The following PCSK2 variants were observed in gnomAD, a reference collection of about 807,000 sequenced individuals.
PCSK2 encodes neuroendocrine convertase 2.
Under a neutral mutation model 69.7 loss-of-function variants are expected in PCSK2, and 14 were observed. The observed-to-expected ratio is 0.20, with a 90% CI of 0.13 to 0.31. The LOEUF is 0.31. Among genes scored for constraint, PCSK2 ranks in the 10% least tolerant of loss-of-function variants. The pLI is 1.00. For missense variants in PCSK2, 544 were observed against 842.5 expected (o/e 0.65, Z 4.39); for synonymous variants, 307 against 320.7 (o/e 0.96, Z 0.46).
intron 5 of PCSK2, among the ~76,000 whole-genome samples, chr20:17,393,972 T>A (rs1243072023): frequency 1.3e-5 from 2 of 152,222 alleles, no homozygotes; most frequent in African/African-American, 4.8e-5. Context: ...TGTGTTGCTC[T>A]ACCGAATTCC....
chr20:17,377,753 A>G (rs2030968453), intron 5 of PCSK2, among the ~76,000 whole-genome samples: 1 of 152,216 alleles, frequency 6.6e-6, no homozygotes, highest in East Asian at 1.9e-4. Context: ...AATCACTTTG[A>G]TAGACCGTCA....
At chr20:17,472,809 C>T (rs1448272988) in intron 11 of PCSK2, among the ~76,000 whole-genome samples, 3 of 152,258 alleles carry the variant, frequency 2.0e-5, no homozygotes, top group African/African-American at 2.4e-5. Context: ...TCAGGTGATC[C>T]GCCTGCCTTG....
intron 2 of PCSK2, among the ~76,000 whole-genome samples, chr20:17,263,709 C>G (rs1462851053): frequency 1.3e-5 from 2 of 152,150 alleles, no homozygotes; most frequent in Non-Finnish European, 1.5e-5. Flanking sequence ...TTCATTACTT[C>G]CAAGTTTTAT....
chr20:17,448,605 T>C (rs6136096), intron 8 of PCSK2, among the ~76,000 whole-genome samples: 18,298 of 151,916 alleles, frequency 0.12, 1,144 homozygotes, highest in East Asian at 0.19. Context: ...GGTGAGGAGG[T>C]TGTCCTTTGC....
intron 11 of PCSK2, among the ~76,000 whole-genome samples, chr20:17,470,623 A>G (rs887989608): frequency 1.3e-5 from 2 of 152,226 alleles, no homozygotes; most frequent in Non-Finnish European, 2.9e-5. Context: ...CTTCTCTCGG[A>G]AAGTCACTGG....
intron 2 of PCSK2, among the ~76,000 whole-genome samples, chr20:17,270,738 C>A (rs1043869598): frequency 6.6e-6 from 1 of 151,820 alleles, no homozygotes; most frequent in South Asian, 2.1e-4. Context: ...CTTCTCCCAA[C>A]AGAAGCAAAG....
intron 5 of PCSK2, among the ~76,000 whole-genome samples, chr20:17,371,834 G>C (rs888934261): frequency 2.6e-5 from 4 of 152,094 alleles, no homozygotes; most frequent in African/African-American, 9.7e-5. Flanking sequence ...TGAACAATTA[G>C]GTTGTTTCCA....
intron 2 of PCSK2, among the ~76,000 whole-genome samples, chr20:17,267,662 T>G (rs1987674312): frequency 6.6e-6 from 1 of 152,226 alleles, no homozygotes; most frequent in East Asian, 1.9e-4. Flanking sequence ...TAGATGCTGT[T>G]TTTTTCTAGA....
At chr20:17,356,611 A>T (rs1221347510) in intron 2 of PCSK2, among the ~76,000 whole-genome samples, 1 of 152,024 alleles carries the variant, frequency 6.6e-6, no homozygotes, top group Non-Finnish European at 1.5e-5. Flanking sequence ...CTCATCTGGT[A>T]TCCATTAGAG....
chr20:17,469,562 G>A (rs1315587245), intron 11 of PCSK2, among the ~76,000 whole-genome samples: 1 of 151,580 alleles, frequency 6.6e-6, no homozygotes, highest in Non-Finnish European at 1.5e-5. Context: ...AAAAAAAAAT[G>A]TGCTCAGAGT....
intron 2 of PCSK2, among the ~76,000 whole-genome samples, chr20:17,347,028 C>T (rs1990670815): frequency 6.6e-6 from 1 of 152,190 alleles, no homozygotes; most frequent in African/African-American, 2.4e-5. Flanking sequence ...GTCACTAAGA[C>T]TCAATGACTG....
chr20:17,479,487 A>T (rs16999270), intron 11 of PCSK2: 59,037 of 462,352 alleles, frequency 0.13, 3,891 homozygotes, highest in East Asian at 0.18. Flanking sequence ...TATTTCATAC[A>T]TGGTCTTATT....
chr20:17,328,888 A>G lies in PCSK2; in HGVS notation c.283-29439A>G, dbSNP rs182578075. ...CTCCAGTGCATTCAACTAAATGTCA[A>G]TTAGTATCTAAACTTTGCCAGAACA... On this transcript the variant is annotated intron_variant, in intron 2 of 11. Coordinates refer to ENST00000262545, the MANE Select transcript of PCSK2 (RefSeq NM_002594.5). Among the ~76,000 whole-genome samples the G allele has an allele frequency of 1.6e-3, 251 of 152,274 alleles. 3 individuals are homozygous for G. Among genetic ancestry groups the G allele is most frequent in the Non-Finnish European group, 1.9e-3 (126 of 68,024 alleles).
At chr20:17,327,338 G>T (rs1277712959) in intron 2 of PCSK2, among the ~76,000 whole-genome samples, 1 of 152,114 alleles carries the variant, frequency 6.6e-6, no homozygotes, top group African/African-American at 2.4e-5. Context: ...GGTGGGTCGG[G>T]GCTATGTCAA....
chr20:17,306,465 T>C (rs191517912), intron 2 of PCSK2, among the ~76,000 whole-genome samples: 4 of 152,308 alleles, frequency 2.6e-5, no homozygotes, highest in African/African-American at 9.6e-5. Context: ...TGCTTCTGTC[T>C]AGTGGGCATT....
intron 2 of PCSK2, among the ~76,000 whole-genome samples, chr20:17,346,328 A>C (rs2123182386): frequency 6.6e-6 from 1 of 152,188 alleles, no homozygotes; most frequent in South Asian, 2.1e-4. Context: ...TGTAGTGCTG[A>C]GTGCACTGGT....
At chr20:17,304,231 T>G (rs1989254628) in intron 2 of PCSK2, among the ~76,000 whole-genome samples, 1 of 152,178 alleles carries the variant, frequency 6.6e-6, no homozygotes, top group Admixed American at 6.5e-5. Context: ...TATTATGACC[T>G]ATTGTAAGTT....
intron 1 of PCSK2, among the ~76,000 whole-genome samples, chr20:17,230,817 A>G (rs113549272): frequency 3.3e-5 from 5 of 152,328 alleles, no homozygotes; most frequent in African/African-American, 9.6e-5. Context: ...ATGAACAAAC[A>G]TTTGTTTTCT....
chr20:17,470,597 G>A (rs1177653775), intron 11 of PCSK2, among the ~76,000 whole-genome samples: 2 of 152,212 alleles, frequency 1.3e-5, no homozygotes, highest in East Asian at 3.8e-4. Context: ...GTGCTAGTAA[G>A]AACTGCTGCT....
Sources: allele counts gnomAD v4.1 joint callset (sites outside exome capture counted in the v4.1 genomes callset), GRCh38; gene constraint gnomAD v4.1.1; transcripts MANE v1.5; gene names NCBI Gene and HGNC (gene_info 2026-07-23, HGNC 2026-07-21).